The following ACBD6 variants were observed in gnomAD, a reference collection of about 807,000 sequenced individuals.
ACBD6 encodes acyl-CoA-binding domain-containing protein 6.
In ACBD6, 28 loss-of-function variants were observed where a neutral mutation model predicts 37.2. The ratio of observed to expected loss-of-function variants is 0.75; its 90% CI spans 0.56 to 1.03. The LOEUF is 1.03. Among genes scored for constraint, ACBD6 ranks in the 50% least tolerant of loss-of-function variants. ACBD6 has a pLI of 0.00. For missense variants in ACBD6, 340 were observed against 337.4 expected (o/e 1.01, Z -0.06); for synonymous variants, 113 against 126.8 (o/e 0.89, Z 0.73).
intron 6 of ACBD6, among the ~76,000 whole-genome samples, chr1:180,346,896 G>A (rs1184469218): frequency 6.6e-6 from 1 of 152,046 alleles, no homozygotes; most frequent in Non-Finnish European, 1.5e-5. Flanking sequence ...TGCACCTGTA[G>A]TCCCAGCTAC....
chr1:180,328,636 T>C (rs1208628427), intron 6 of ACBD6, among the ~76,000 whole-genome samples: 2 of 152,116 alleles, frequency 1.3e-5, no homozygotes, highest in East Asian at 3.8e-4. Flanking sequence ...CAAGTGAATG[T>C]ATGATAAGTG....
intron 6 of ACBD6, among the ~76,000 whole-genome samples, chr1:180,342,541 CTAATA>C (rs1652020676): frequency 6.6e-6 from 1 of 152,016 alleles, no homozygotes; most frequent in Admixed American, 6.5e-5. Context: ...TTATGACTCA[CTAATA>C]TAAAGTCTGT....
At chr1:180,450,559 C>T (rs1649662864) in intron 3 of ACBD6, among the ~76,000 whole-genome samples, 1 of 152,264 alleles carries the variant, frequency 6.6e-6, no homozygotes, top group South Asian at 2.1e-4. Context: ...GAGATCGAGA[C>T]CATCCTGGCT....
chr1:180,317,697 A>G (rs1183826125), intron 6 of ACBD6, among the ~76,000 whole-genome samples: 2 of 152,168 alleles, frequency 1.3e-5, no homozygotes, highest in Non-Finnish European at 2.9e-5. Flanking sequence ...CATTTCAACA[A>G]TATTTTTTCT....
At chr1:180,426,363 G>T (rs377682597) in intron 4 of ACBD6, among the ~76,000 whole-genome samples, 18 of 152,096 alleles carry the variant, frequency 1.2e-4, no homozygotes, top group Non-Finnish European at 2.2e-4. Flanking sequence ...CAAACTTCTA[G>T]ATCAAACCTT....
At chr1:180,329,619 T>C (rs537480135) in intron 6 of ACBD6, among the ~76,000 whole-genome samples, 1 of 152,328 alleles carries the variant, frequency 6.6e-6, no homozygotes, top group Admixed American at 6.5e-5. Context: ...TTTAAACTTT[T>C]GGGGAGCATT....
At chr1:180,361,427 A>G (rs1652848686) in intron 6 of ACBD6, among the ~76,000 whole-genome samples, 1 of 151,870 alleles carries the variant, frequency 6.6e-6, no homozygotes, top group South Asian at 2.1e-4. Context: ...TAAAATCTGT[A>G]AACACATAAT....
intron 2 of ACBD6, 27 bp from the exon 3 acceptor site, chr1:180,492,392 C>G (rs1557893304): frequency 6.4e-7 from 1 of 1,555,982 alleles, no homozygotes. Context: ...CCAAAATGGC[C>G]TGTCATTATG....
rs1472491341 is a variant in ACBD6 at position 180,272,806 on chromosome 1, C to T, written c.*1174-114G>A. The T allele has an allele frequency of 2.0e-5, 3 of 152,220 alleles. No homozygotes were observed. In the East Asian group the frequency reaches 5.8e-4, roughly 29 times the overall value. The allele number at this position is 152,220 out of a possible 1,614,324, so 9.4% of individuals were successfully genotyped here. On this transcript the variant is annotated intron_variant, in intron 12 of 13. Coordinates refer to the ACBD6 transcript ENST00000642319. ...AGCCCCAGTATTCCCAAGAGGAATA[C>T]CATATCTTTGCCCATCTCACTGCGT...
At chr1:180,463,955 C>A (rs1015315197) in intron 3 of ACBD6, among the ~76,000 whole-genome samples, 7 of 152,130 alleles carry the variant, frequency 4.6e-5, no homozygotes, top group Non-Finnish European at 7.4e-5. Flanking sequence ...AAGAAAAAAA[C>A]CACATTATCT....
At chr1:180,484,029 A>G (rs756734613) in intron 3 of ACBD6, among the ~76,000 whole-genome samples, 34 of 152,228 alleles carry the variant, frequency 2.2e-4, no homozygotes, top group Non-Finnish European at 4.3e-4. Flanking sequence ...CTTTTTGTCC[A>G]GAGTGGAAAA....
In ACBD6 at chr1:180,491,424, T is replaced by C. The variant is rs1012480030; in HGVS notation, c.384+845A>G. Among the ~76,000 whole-genome samples, 4 of 152,360 alleles carry C rather than the reference T, an allele frequency of 2.6e-5. No individual in the cohort carries two copies. The East Asian group carries it at 5.8e-4, about 22-fold the overall frequency. On this transcript the variant is annotated intron_variant, in intron 3 of 7. Transcript: ENST00000367595. ...ATAAGTATATGAGAAAAACAGGGTA[T>C]ATTTAAGTGAACAATATCCAATGCT...
downstream of ACBD6, chr1:180,287,539 T>G (rs1286578815): frequency 2.0e-5 from 3 of 149,980 alleles, no homozygotes; most frequent in Non-Finnish European, 4.4e-5. Context: ...CATTAACATA[T>G]TAGATAGACC....
intron 6 of ACBD6, among the ~76,000 whole-genome samples, chr1:180,383,165 A>G (rs1328380445): frequency 6.6e-6 from 1 of 152,232 alleles, no homozygotes; most frequent in East Asian, 1.9e-4. Context: ...ACTCCTATTC[A>G]ACACAGTACT....
intron 1 of ACBD6, among the ~76,000 whole-genome samples, chr1:180,498,629 G>T (rs1287962562): frequency 6.6e-6 from 1 of 152,048 alleles, no homozygotes; most frequent in African/African-American, 2.4e-5. Flanking sequence ...CAAGGCAGGT[G>T]GATCACCTGA....
At chr1:180,381,476 A>G (rs1322239894) in intron 6 of ACBD6, among the ~76,000 whole-genome samples, 1 of 152,216 alleles carries the variant, frequency 6.6e-6, no homozygotes, top group Non-Finnish European at 1.5e-5. Flanking sequence ...TCACAAAACA[A>G]GTCTCAACAA....
intron 6 of ACBD6, among the ~76,000 whole-genome samples, chr1:180,354,648 A>T (rs145146368): frequency 5.3e-4 from 80 of 152,328 alleles, no homozygotes; most frequent in African/African-American, 1.8e-3. Flanking sequence ...TTCAAAGATA[A>T]AACTATTTTG....
intron 4 of ACBD6, among the ~76,000 whole-genome samples, chr1:180,421,222 T>C (rs1016122603): frequency 1.3e-5 from 2 of 152,220 alleles, no homozygotes; most frequent in Admixed American, 1.3e-4. Context: ...TGTGTCCATG[T>C]GTTCTCATCA....
At chr1:180,367,802 T>G (rs1469182695) in intron 6 of ACBD6, among the ~76,000 whole-genome samples, 1 of 152,182 alleles carries the variant, frequency 6.6e-6, no homozygotes. Context: ...TGATGGGCAT[T>G]TAGGTTGATT....
Sources: allele counts gnomAD v4.1 joint callset (sites outside exome capture counted in the v4.1 genomes callset), GRCh38; gene constraint gnomAD v4.1.1; transcripts MANE v1.5; gene names NCBI Gene and HGNC (gene_info 2026-07-23, HGNC 2026-07-21).